SYNE3: variants seen among roughly 807,000 people sequenced by gnomAD.
SYNE3 encodes nesprin-3.
SYNE3 carries 100 observed loss-of-function variants against 111.2 expected under a neutral mutation model. That is an observed-to-expected ratio of 0.90 (90% CI 0.77 to 1.06). The LOEUF is 1.06. SYNE3 is among the 50% of genes least tolerant of loss of function. The pLI, the probability that SYNE3 is intolerant of heterozygous loss-of-function variation, is 0.00. For synonymous variants in SYNE3, 547 were observed against 533.9 expected, an observed-to-expected ratio of 1.02 and a Z score of -0.34; for missense variants, 1,160 against 1,240.3, an observed-to-expected ratio of 0.94 and a Z score of 0.97.
chr14:95,412,412 G>A lies in SYNE3; in HGVS notation c.*5414C>T, dbSNP rs967733396. On this transcript the variant is annotated 3_prime_UTR_variant, in exon 18 of 18. Coordinates refer to ENST00000682763, the MANE Select transcript of SYNE3 (RefSeq NM_152592.6). ...TTCGTCTGCAAGCTCCCTGAGGGCA[G>A]GGACTGGGCTTTGTTCACCCCGAAT... 2 of 152,326 alleles carry A rather than the reference G, an allele frequency of 1.3e-5. No individual in the cohort carries two copies. Among genetic ancestry groups the A allele is most frequent in the Non-Finnish European group, 2.9e-5 (2 of 68,112 alleles). 9.4% of individuals were successfully genotyped at this position (152,326 alleles called of 1,614,324 possible). A position where few individuals can be genotyped will look rare whatever the true frequency, so the allele number is the denominator to read the frequency against.
chr14:95,440,331 G>T (rs999738409), intron 11 of SYNE3, among the ~76,000 whole-genome samples: 3 of 152,230 alleles, frequency 2.0e-5, no homozygotes, highest in Non-Finnish European at 4.4e-5. Context: ...GGGGAAATTG[G>T]ATCTCCTGTC....
At chr14:95,465,798 G>T in intron 4 of SYNE3, 133 bp downstream of exon 4, 2 of 1,005,928 alleles carry the variant, frequency 2.0e-6, no homozygotes, top group Non-Finnish European at 2.8e-6. Context: ...TGAGTAGATG[G>T]ATTGATAGTA....
intron 2 of SYNE3, among the ~76,000 whole-genome samples, chr14:95,472,030 A>C (rs1375539339): frequency 6.6e-6 from 1 of 152,220 alleles, no homozygotes; most frequent in African/African-American, 2.4e-5. Flanking sequence ...GACGACTGCA[A>C]AAAGGGCCAG....
intron 4 of SYNE3, 79 bp from the exon 5 acceptor site, chr14:95,457,417 TGG>T: frequency 1.3e-6 from 2 of 1,522,776 alleles, no homozygotes; most frequent in East Asian, 2.3e-5. Context: ...GTAGCCTGCC[TGG>T]GTGTGTGTGT....
intron 17 of SYNE3, among the ~76,000 whole-genome samples, chr14:95,421,130 A>C (rs1285141425): frequency 2.0e-5 from 3 of 152,092 alleles, no homozygotes; most frequent in Non-Finnish European, 4.4e-5. Flanking sequence ...TGGAACTGTG[A>C]GTTCATTAAA....
At chr14:95,466,655 G>T (rs1382559175) in intron 3 of SYNE3, among the ~76,000 whole-genome samples, 1 of 152,180 alleles carries the variant, frequency 6.6e-6, no homozygotes, top group Admixed American at 6.5e-5. Context: ...GTTTCTCCAG[G>T]CCGCTGGCAC....
chr14:95,414,578 TAAGA>T lies in SYNE3; in HGVS notation c.*3244_*3247del, dbSNP rs1903516681. On this transcript the variant is annotated 3_prime_UTR_variant, in exon 18 of 18. Coordinates refer to ENST00000682763, the MANE Select transcript of SYNE3 (RefSeq NM_152592.6). ...GCCTTTCCACATGCAGAGAACGGGC[TAAGA>T]AAGAAAGGGGTGGGAGGGACAGGTA... 2 of 151,978 alleles carry T rather than the reference TAAGA, an allele frequency of 1.3e-5. No homozygotes were observed. Among genetic ancestry groups the T allele is most frequent in the South Asian group, 2.1e-4 (1 of 4,804 alleles). The allele number at this position is 151,978 out of a possible 1,614,324, so 9.4% of individuals were successfully genotyped here.
intron 8 of SYNE3, 59 bp downstream of exon 8, chr14:95,449,872 A>C: frequency 6.6e-7 from 1 of 1,524,014 alleles, no homozygotes; most frequent in Non-Finnish European, 8.8e-7. Flanking sequence ...AGAGACTGAA[A>C]CACCATGCCC....
intron 4 of SYNE3, 31 bp from the exon 5 acceptor site, chr14:95,457,369 G>C: frequency 6.2e-7 from 1 of 1,608,080 alleles, no homozygotes. Context: ...CCAGCCATGA[G>C]GGTCCCCAGC....
In SYNE3 at chr14:95,481,061, G is replaced by C. The variant is rs536862519; in HGVS notation, c.-14-5226C>G. Among the ~76,000 whole-genome samples the C allele has an allele frequency of 1.5e-4, 23 of 152,346 alleles. No individual in the cohort carries two copies. The South Asian group carries it at 4.8e-3, about 32-fold the overall frequency. On this transcript the variant is annotated intron_variant, in intron 1 of 17. Transcript: ENST00000682763. ...TGCTGCGGGGCTGACTGGGGCAGGT[G>C]TGGGAGCACCTGGTCAGTAATAGGT...
intron 17 of SYNE3, among the ~76,000 whole-genome samples, chr14:95,421,278 T>C (rs2139342549): frequency 6.6e-6 from 1 of 152,184 alleles, no homozygotes; most frequent in South Asian, 2.1e-4. Flanking sequence ...ATATGTTGTG[T>C]AGAGGAGTTA....
intron 1 of SYNE3, among the ~76,000 whole-genome samples, chr14:95,478,276 T>C (rs556387989): frequency 4.2e-4 from 64 of 152,308 alleles, no homozygotes; most frequent in African/African-American, 1.4e-3. Context: ...TAGCATCCAA[T>C]AAGCAGACAG....
At position 95,444,551 on chromosome 14, in the gene SYNE3, C is replaced by T. The variant is rs556716725; in HGVS notation, c.1710G>A (p.Arg570=). The change falls in exon 10 of 18, where the codon AGG becomes AGA. Residue 570 remains arginine, a synonymous_variant. Coordinates refer to ENST00000682763, the MANE Select transcript of SYNE3 (RefSeq NM_152592.6). Reference sequence around the variant, plus strand: ...GCTGAAGCCCCTTCTCGGCTTGGACCCTGACCTGGAGGTCCAAGAGCTTCC... The same window carrying T: ...GCTGAAGCCCCTTCTCGGCTTGGACTCTGACCTGGAGGTCCAAGAGCTTCC... ...LQRKLLDLQV[R]VQAEKGLQRD... is the part of the protein sequence containing the mutation. The T allele has an allele frequency of 1.2e-6, 2 of 1,613,786 alleles. No individual in the cohort carries two copies. The highest frequency in any genetic ancestry group is 1.1e-5 in the South Asian group (1 of 91,058).
Position 95,466,296 on chromosome 14 carries a change from C to T in SYNE3, c.318-56G>A, listed in dbSNP as rs903024686. ...GGAACCAGCCACCTGCCTCCTGGGTCGGGGGTCTGTGCTGTCACCCCCTCC... is the reference window on the plus strand; with the variant it reads ...GGAACCAGCCACCTGCCTCCTGGGTTGGGGGTCTGTGCTGTCACCCCCTCC... On this transcript the variant is annotated intron_variant, in intron 3 of 17. Coordinates refer to ENST00000682763, the MANE Select transcript of SYNE3 (RefSeq NM_152592.6). 16 of 1,516,082 alleles carry T rather than the reference C, an allele frequency of 1.1e-5. No individual in the cohort carries two copies. The Admixed American group carries it at 1.1e-4, about 11-fold the overall frequency. The allele number at this position is 1,516,082 out of a possible 1,614,324, so 93.9% of individuals were successfully genotyped here.
Position 95,470,190 on chromosome 14 carries a change from G to A in SYNE3, c.145-2223C>T, listed in dbSNP as rs1888442438. Among the ~76,000 whole-genome samples, 1 of 152,184 alleles carries A rather than the reference G, an allele frequency of 6.6e-6. No individual in the cohort carries two copies. Among genetic ancestry groups the A allele is most frequent in the Non-Finnish European group, 1.5e-5 (1 of 68,034 alleles). The stretch of plus-strand genomic sequence containing the variant: ...AAACAAAAGTACCATAGTGGCCAGT[G>A]TGGCCTGAAGACCCAAGGGCCAGTG... On this transcript the variant is annotated intron_variant, in intron 2 of 17. Transcript: ENST00000682763. This position sits in a 1 kb window ranked among gnomAD's most constrained non-coding sequence, Gnocchi z 4.2.
chr14:95,484,305 G>T (rs1187150113), intron 1 of SYNE3, among the ~76,000 whole-genome samples: 1 of 152,188 alleles, frequency 6.6e-6, no homozygotes, highest in African/African-American at 2.4e-5. Flanking sequence ...TGTTCCTAGG[G>T]CAGGGTGGGT....
intron 1 of SYNE3, among the ~76,000 whole-genome samples, chr14:95,495,631 CAGACAG>C (rs1890058959): frequency 6.6e-6 from 1 of 152,156 alleles, no homozygotes; most frequent in Non-Finnish European, 1.5e-5. Context: ...CTGCCCACGT[CAGACAG>C]TGACTGAGGC....
intron 2 of SYNE3, among the ~76,000 whole-genome samples, chr14:95,472,622 C>T (rs577048742): frequency 6.6e-6 from 1 of 152,216 alleles, no homozygotes; most frequent in Admixed American, 6.5e-5. Context: ...GCAGCTATCA[C>T]TCTCCCCGGA....
intron 1 of SYNE3, among the ~76,000 whole-genome samples, chr14:95,508,926 C>G (rs1012254201): frequency 2.0e-5 from 3 of 152,216 alleles, no homozygotes; most frequent in Admixed American, 1.3e-4. Flanking sequence ...AGGATCTGTC[C>G]TTCATACTAC....
Sources: allele counts gnomAD v4.1 joint callset (sites outside exome capture counted in the v4.1 genomes callset), GRCh38; gene constraint gnomAD v4.1.1; non-coding constraint Gnocchi (gnomAD v3.1); transcripts MANE v1.5; gene names NCBI Gene and HGNC (gene_info 2026-07-23, HGNC 2026-07-21).